The following CLNS1A variants were observed in gnomAD, a reference collection of about 807,000 sequenced individuals.
CLNS1A encodes methylosome subunit pICln.
Under a neutral mutation model 29.4 loss-of-function variants are expected in CLNS1A, and 16 were observed. The observed-to-expected ratio is 0.54, with a 90% CI of 0.37 to 0.83. CLNS1A has a LOEUF of 0.83. CLNS1A is among the 40% of genes least tolerant of loss of function. The probability of loss-of-function intolerance (pLI) is 0.00; values close to 1 mark genes in which losing one functional copy is unlikely to be tolerated. For synonymous variants in CLNS1A, 96 were observed against 104.8 expected, an observed-to-expected ratio of 0.92 and a Z score of 0.51; for missense variants, 235 against 287.4, an observed-to-expected ratio of 0.82 and a Z score of 1.32.
At position 77,621,294 on chromosome 11, in the gene CLNS1A, A is replaced by AACAC. The variant is rs71854653; in HGVS notation, c.646+1202_646+1205dup. 2.6e-3 allele frequency among the ~76,000 whole-genome samples: 393 copies of AACAC among 149,538 alleles called. 1 individual carries two copies. Among genetic ancestry groups the AACAC allele is most frequent in the South Asian group, 5.8e-3 (27 of 4,656 alleles). On this transcript the variant is annotated intron_variant, in intron 5 of 6. Transcript: ENST00000525428. ...GACGACAGAGCAAGACTCTGTCTCA[A>AACAC]ACACACACACACACACACACACACA...
intron 6 of CLNS1A, 183 bp downstream of exon 6, chr11:77,619,423 T>C (rs1958934996): frequency 1.8e-6 from 1 of 555,776 alleles, no homozygotes; most frequent in Admixed American, 3.2e-5. Context: ...TCCCAGCTAT[T>C]TGGGAGGGTG....
At chr11:77,634,972 TTTTTGTATTCTTTGCAGAGATGGGG>T (rs1031329728) in intron 1 of CLNS1A, among the ~76,000 whole-genome samples, 20 of 152,184 alleles carry the variant, frequency 1.3e-4, no homozygotes, top group Non-Finnish European at 2.6e-4. Context: ...ATTTTTGCAG[TTTTTGTATTCTTTGCAGAGATGGGG>T]TTTTGTCATG....
intron 5 of CLNS1A, among the ~76,000 whole-genome samples, chr11:77,620,895 T>C (rs960128207): frequency 9.9e-5 from 15 of 151,760 alleles, no homozygotes; most frequent in Non-Finnish European, 4.4e-5. Flanking sequence ...GGCAGAAGAA[T>C]CTCTTAAACC....
chr11:77,624,258 C>T (rs1316246479), intron 4 of CLNS1A, among the ~76,000 whole-genome samples: 1 of 152,050 alleles, frequency 6.6e-6, no homozygotes, highest in African/African-American at 2.4e-5. Flanking sequence ...GAGTGAGACC[C>T]TGTTGCAAAA....
In CLNS1A at chr11:77,625,742, T is replaced by C; in HGVS notation, c.339A>G (p.Arg113=). The change falls in exon 3 of 7, where the codon AGA becomes AGG. Residue 113 remains arginine (R), a synonymous_variant. Coordinates refer to ENST00000525428, the MANE Select transcript of CLNS1A (RefSeq NM_001293.3). ...ACGCTGATTTATCACTAGGCACAAA[T>C]CTAAATTCAGTAATAGGTTCAACAT... ...DDDVEPITEF[R]FVPSDKSALE... 1.9e-6 allele frequency: 3 copies of C among 1,613,026 alleles called. 1 individual carries two copies. In the South Asian group the frequency reaches 3.3e-5, roughly 18 times the overall value.
chr11:77,624,306 G>A (rs185854297), intron 4 of CLNS1A, among the ~76,000 whole-genome samples: 1 of 152,122 alleles, frequency 6.6e-6, no homozygotes, highest in African/African-American at 2.4e-5. Flanking sequence ...AATGATCCAG[G>A]TTCTCAAGGT....
intron 1 of CLNS1A, among the ~76,000 whole-genome samples, chr11:77,634,760 CA>C (rs1373696359): frequency 2.1e-5 from 3 of 144,900 alleles, no homozygotes; most frequent in African/African-American, 7.6e-5. Context: ...AAAGAAGAAA[CA>C]TAAGAGATTT....
Position 77,625,901 on chromosome 11 carries a change from A to AT in CLNS1A, c.263-84dup, listed in dbSNP as rs1959013564. 16 of 1,142,088 alleles carry AT rather than the reference A, an allele frequency of 1.4e-5. No homozygotes were observed. The South Asian group carries it at 2.5e-4, about 18-fold the overall frequency. 70.7% of individuals were successfully genotyped at this position (1,142,088 alleles called of 1,614,324 possible). A position where few individuals can be genotyped will look rare whatever the true frequency, so the allele number is the denominator to read the frequency against. On this transcript the variant is annotated intron_variant, in intron 2 of 6. Transcript: ENST00000525428. ...TTGAAAATCTGAATATTGCAATTCA[A>AT]TTTTAATTTCCAATTATGGTTGACA...
intron 4 of CLNS1A, among the ~76,000 whole-genome samples, chr11:77,623,440 T>A (rs1361965853): frequency 6.6e-6 from 1 of 151,980 alleles, no homozygotes; most frequent in Non-Finnish European, 1.5e-5. Flanking sequence ...AAAATGTTTT[T>A]TTTAATTAGC....
At chr11:77,619,532 A>G in intron 6 of CLNS1A, 74 bp downstream of exon 6, 1 of 1,032,688 alleles carries the variant, frequency 9.7e-7, no homozygotes, top group Non-Finnish European at 1.5e-6. Flanking sequence ...TCAAGAAAGA[A>G]TTTTAAAAAG....
Position 77,625,580 on chromosome 11 carries a change from T to C in CLNS1A, c.364+137A>G, listed in dbSNP as rs150656058. On this transcript the variant is annotated intron_variant, in intron 3 of 6. Transcript: ENST00000525428. ...TGGTCCTTAATGATATTACCAATGC[T>C]AAAATAAAGAAAAAGCAATAGAATG... is the stretch of plus-strand genomic sequence containing the variant. 4.7e-4 allele frequency: 334 copies of C among 714,034 alleles called. 2 individuals carry two copies. The East Asian group carries it at 6.8e-3, about 14-fold the overall frequency. 44.2% of individuals were successfully genotyped at this position (714,034 alleles called of 1,614,324 possible).
intron 4 of CLNS1A, 120 bp from the exon 5 acceptor site, chr11:77,622,793 C>G: frequency 1.3e-6 from 1 of 753,318 alleles, no homozygotes; most frequent in Non-Finnish European, 2.0e-6. Flanking sequence ...ACTAAAAATA[C>G]AAAAATTAGC....
At chr11:77,633,232 G>C (rs1323326034) in intron 1 of CLNS1A, among the ~76,000 whole-genome samples, 1 of 152,080 alleles carries the variant, frequency 6.6e-6, no homozygotes, top group African/African-American at 2.4e-5. Flanking sequence ...AATTCTAGCA[G>C]AGGCCACGAT....
At chr11:77,630,904 G>C (rs946206123) in intron 1 of CLNS1A, among the ~76,000 whole-genome samples, 1 of 152,158 alleles carries the variant, frequency 6.6e-6, no homozygotes, top group East Asian at 1.9e-4. Context: ...AAATGGTGGT[G>C]ATAATTGCAC....
chr11:77,636,077 TA>T (rs1029039382), intron 1 of CLNS1A, among the ~76,000 whole-genome samples: 7 of 151,960 alleles, frequency 4.6e-5, no homozygotes, highest in African/African-American at 1.2e-4. Flanking sequence ...TTTTTATTTT[TA>T]TTTTTTTTTT....
At chr11:77,620,901 A>C (rs1958950919) in intron 5 of CLNS1A, among the ~76,000 whole-genome samples, 1 of 151,820 alleles carries the variant, frequency 6.6e-6, no homozygotes, top group Non-Finnish European at 1.5e-5. Flanking sequence ...AGAATCTCTT[A>C]AACCCAGGAG....
At chr11:77,626,355 T>C (rs1328653246) in intron 2 of CLNS1A, among the ~76,000 whole-genome samples, 1 of 152,136 alleles carries the variant, frequency 6.6e-6, no homozygotes, top group African/African-American at 2.4e-5. Context: ...AATGCTGGGA[T>C]TGTGGCTGGG....
chr11:77,633,018 C>A (rs780613666), intron 1 of CLNS1A, among the ~76,000 whole-genome samples: 5 of 137,318 alleles, frequency 3.6e-5, no homozygotes, highest in Non-Finnish European at 6.0e-5. Context: ...ATCCAGGAGG[C>A]GGAGGTTGCA....
In CLNS1A at chr11:77,616,447, AG is replaced by A. The variant is rs1190903155; in HGVS notation, c.*270del. 1 of 152,638 alleles carries A rather than the reference AG, an allele frequency of 6.6e-6. No homozygotes were observed. The highest frequency in any genetic ancestry group is 6.5e-5 in the Admixed American group (1 of 15,272). The allele number at this position is 152,638 out of a possible 1,614,324, so 9.5% of individuals were successfully genotyped here. On this transcript the variant is annotated 3_prime_UTR_variant, in exon 7 of 7. Coordinates refer to ENST00000525428, the MANE Select transcript of CLNS1A (RefSeq NM_001293.3). ...AGGTAGGAATTATAGGCCTACTCAG[AG>A]GGTACCCAGACACAGAAAGTTTTAG...
Sources: allele counts gnomAD v4.1 joint callset (sites outside exome capture counted in the v4.1 genomes callset), GRCh38; gene constraint gnomAD v4.1.1; transcripts MANE v1.5; gene names NCBI Gene and HGNC (gene_info 2026-07-23, HGNC 2026-07-21).